The following CILK1 variants were observed in gnomAD, a reference collection of about 807,000 sequenced individuals.
The protein encoded by CILK1 is ciliogenesis associated kinase 1.
In CILK1, 47 loss-of-function variants were observed where a neutral mutation model predicts 79.2. The ratio of observed to expected loss-of-function variants is 0.59; its 90% CI spans 0.47 to 0.76. The LOEUF (loss-of-function observed/expected upper bound fraction) is 0.76, where lower values mean the gene tolerates loss of function less well. Ranked by LOEUF, CILK1 falls within the 30% of genes least tolerant of loss-of-function variation. CILK1 has a pLI of 0.00. For missense variants in CILK1, 660 were observed against 769.5 expected (o/e 0.86, Z 1.68); for synonymous variants, 266 against 275.9 (o/e 0.96, Z 0.36).
At chr6:53,054,203 G>T (rs1030762417) in intron 1 of CILK1, among the ~76,000 whole-genome samples, 4 of 151,896 alleles carry the variant, frequency 2.6e-5, no homozygotes, top group Admixed American at 2.0e-4. Flanking sequence ...CAAGCCTCCT[G>T]CCCCAACCTA....
intron 5 of CILK1, among the ~76,000 whole-genome samples, chr6:53,021,756 CT>C (rs2127424115): frequency 6.7e-6 from 1 of 149,910 alleles, no homozygotes; most frequent in South Asian, 2.1e-4. Context: ...CTATACTATA[CT>C]TTTAATCATT....
intron 1 of CILK1, among the ~76,000 whole-genome samples, chr6:53,047,977 T>C (rs934714365): frequency 1.3e-5 from 2 of 152,106 alleles, no homozygotes; most frequent in African/African-American, 2.4e-5. Flanking sequence ...GGTTGTTTTA[T>C]TTTTCCCCAA....
At chr6:53,015,811 AAT>A (rs1387111071) in intron 8 of CILK1, among the ~76,000 whole-genome samples, 1 of 152,226 alleles carries the variant, frequency 6.6e-6, no homozygotes, top group African/African-American at 2.4e-5. Flanking sequence ...AAGACAGATA[AAT>A]ATATGTTTAT....
At chr6:53,022,980 C>A (rs1490320651) in intron 5 of CILK1, among the ~76,000 whole-genome samples, 1 of 151,146 alleles carries the variant, frequency 6.6e-6, no homozygotes, top group Non-Finnish European at 1.5e-5. Context: ...GTTGCCCAGG[C>A]TAGAGTGCAG....
chr6:53,061,363 C>T (rs1453697779), intron 1 of CILK1, among the ~76,000 whole-genome samples: 1 of 152,236 alleles, frequency 6.6e-6, no homozygotes, highest in Non-Finnish European at 1.5e-5. Flanking sequence ...GGTCTTCCCC[C>T]TCCTTAAGAC....
Position 53,016,342 on chromosome 6 carries a change from C to A in CILK1, c.664-92G>T, listed in dbSNP as rs1248733210. 1.0e-5 allele frequency: 13 copies of A among 1,255,350 alleles called. No homozygotes were observed. In the Admixed American group the frequency reaches 1.4e-4, roughly 13 times the overall value. The allele number at this position is 1,255,350 out of a possible 1,614,324, so 77.8% of individuals were successfully genotyped here. On this transcript the variant is annotated intron_variant, in intron 7 of 13. Coordinates refer to ENST00000676107, the MANE Select transcript of CILK1 (RefSeq NM_014920.5). The stretch of plus-strand genomic sequence containing the variant: ...ATGTGTGCCCCAAATGGAAAGGCAA[C>A]CATGTCATTACCCACCCACATTCAT...
At position 53,002,236 on chromosome 6, in the gene CILK1, G is replaced by A. The variant is rs1192819803; in HGVS notation, c.*2913C>T. 1 of 152,142 alleles carries A rather than the reference G, an allele frequency of 6.6e-6. No individual in the cohort carries two copies. The highest frequency in any genetic ancestry group is 1.5e-5 in the Non-Finnish European group (1 of 68,024). The allele number at this position is 152,142 out of a possible 1,614,324, so 9.4% of individuals were successfully genotyped here. Reference sequence around the variant, plus strand: ...ATGCAAATGCAGTTTTCCCTACTCTGCTGGCACTACCTGGGGCACATCAAT... The same window carrying A: ...ATGCAAATGCAGTTTTCCCTACTCTACTGGCACTACCTGGGGCACATCAAT... On this transcript the variant is annotated 3_prime_UTR_variant, in exon 14 of 14. Coordinates refer to ENST00000676107, the MANE Select transcript of CILK1 (RefSeq NM_014920.5).
At position 53,009,571 on chromosome 6, in the gene CILK1, A is replaced by C; in HGVS notation, c.1493-4T>G. On this transcript the variant is annotated splice_region_variant and splice_polypyrimidine_tract_variant and intron_variant, in intron 11 of 13. Coordinates refer to ENST00000676107, the MANE Select transcript of CILK1 (RefSeq NM_014920.5). ...ATGCCATTTCTTATACTGATCCCTG[A>C]TAGAGAAGAAATGATTTTAAAATGC... is the stretch of plus-strand genomic sequence containing the variant. 1 of 1,603,736 alleles carries C rather than the reference A, an allele frequency of 6.2e-7. No homozygotes were observed. The highest frequency in any genetic ancestry group is 8.5e-7 in the Non-Finnish European group (1 of 1,170,588).
At chr6:53,047,540 G>A (rs1767175264) in intron 1 of CILK1, among the ~76,000 whole-genome samples, 1 of 141,530 alleles carries the variant, frequency 7.1e-6, no homozygotes, top group Non-Finnish European at 1.5e-5. Context: ...TGAACTTTTG[G>A]GCTCAAGCAA....
At chr6:53,043,899 A>G (rs1295004308) in intron 1 of CILK1, among the ~76,000 whole-genome samples, 1 of 151,954 alleles carries the variant, frequency 6.6e-6, no homozygotes, top group Admixed American at 6.6e-5. Flanking sequence ...GGGCAGGAAA[A>G]ATCTTCATAA....
intron 3 of CILK1, among the ~76,000 whole-genome samples, chr6:53,036,691 C>T (rs1398554204): frequency 1.3e-5 from 2 of 152,132 alleles, no homozygotes; most frequent in South Asian, 2.1e-4. Flanking sequence ...GCTGGGATTA[C>T]AGGTGTGAGC....
intron 7 of CILK1, among the ~76,000 whole-genome samples, chr6:53,017,211 A>C (rs1009938654): frequency 6.6e-6 from 1 of 152,316 alleles, no homozygotes; most frequent in African/African-American, 2.4e-5. Flanking sequence ...TGATTAAAAA[A>C]TTTTTTTGAG....
intron 5 of CILK1, among the ~76,000 whole-genome samples, chr6:53,025,818 A>C (rs1479341470): frequency 1.3e-5 from 2 of 152,216 alleles, no homozygotes; most frequent in African/African-American, 4.8e-5. Flanking sequence ...TTAAGTACTG[A>C]ATAATGTAAC....
Position 53,004,549 on chromosome 6 carries a change from A to C in CILK1, c.*600T>G, listed in dbSNP as rs1435105159. ...AACAAAGTGAATTATATAATATAAT[A>C]GTCCTTTTAGAACAGCAGAGTGGTA... On this transcript the variant is annotated 3_prime_UTR_variant, in exon 14 of 14. Transcript: ENST00000676107. 2.0e-5 allele frequency: 3 copies of C among 152,792 alleles called. No individual in the cohort carries two copies. Among genetic ancestry groups the C allele is most frequent in the Non-Finnish European group, 4.4e-5 (3 of 68,230 alleles). The allele number at this position is 152,792 out of a possible 1,614,324, so 9.5% of individuals were successfully genotyped here. A position where few individuals can be genotyped will look rare whatever the true frequency, so the allele number is the denominator to read the frequency against.
intron 5 of CILK1, among the ~76,000 whole-genome samples, chr6:53,020,996 GTTATGAGA>G: frequency 6.6e-6 from 1 of 152,294 alleles, no homozygotes; most frequent in Admixed American, 6.5e-5. Flanking sequence ...TCCTTACCCA[GTTATGAGA>G]TTGTGTCGTA....
At chr6:53,015,207 T>C (rs1038427112) in intron 8 of CILK1, among the ~76,000 whole-genome samples, 3 of 152,256 alleles carry the variant, frequency 2.0e-5, no homozygotes, top group East Asian at 3.8e-4. Context: ...TGGTCACTTA[T>C]ATGATCCTCT....
chr6:53,037,416 T>C (rs1392052597), intron 3 of CILK1, among the ~76,000 whole-genome samples: 1 of 146,376 alleles, frequency 6.8e-6, no homozygotes. Flanking sequence ...GAGGAACGGA[T>C]GAGGAATCTT....
At chr6:53,016,373 AC>A in intron 7 of CILK1, 123 bp from the exon 8 acceptor site, 1 of 835,462 alleles carries the variant, frequency 1.2e-6, no homozygotes, top group Non-Finnish European at 2.0e-6. Flanking sequence ...TTCATTAACC[AC>A]CCACATTCAC....
In CILK1 at chr6:53,004,212, C is replaced by G. The variant is rs1581929006; in HGVS notation, c.*937G>C. 6.5e-6 allele frequency: 1 copy of G among 152,676 alleles called. No individual in the cohort carries two copies. The highest frequency in any genetic ancestry group is 1.9e-4 in the East Asian group (1 of 5,182). The allele number at this position is 152,676 out of a possible 1,614,324, so 9.5% of individuals were successfully genotyped here. On this transcript the variant is annotated 3_prime_UTR_variant, in exon 14 of 14. Transcript: ENST00000676107. ...CAGATCTGGAGAACTGAGCTAGGCA[C>G]AAAATTCCATCTCAGTTACTATAAT...
Sources: allele counts gnomAD v4.1 joint callset (sites outside exome capture counted in the v4.1 genomes callset), GRCh38; gene constraint gnomAD v4.1.1; transcripts MANE v1.5; gene names NCBI Gene and HGNC (gene_info 2026-07-23, HGNC 2026-07-21).